Variants in YWHAE observed in about 807,000 individuals in gnomAD.
YWHAE encodes the protein 14-3-3 protein epsilon.
YWHAE carries 4 observed loss-of-function variants against 30.1 expected under a neutral mutation model. The observed-to-expected ratio is 0.13, with a 90% confidence interval of 0.07 to 0.30. The LOEUF (loss-of-function observed/expected upper bound fraction) is 0.30. Ranked by LOEUF, YWHAE falls within the 10% of genes least tolerant of loss-of-function variation. The pLI, the probability that YWHAE is intolerant of heterozygous loss-of-function variation, is 1.00. For synonymous variants in YWHAE, 118 were observed against 111.8 expected, an observed-to-expected ratio of 1.06 and a Z score of -0.35; for missense variants, 121 against 315.9, an observed-to-expected ratio of 0.38 and a Z score of 4.68.
At chr17:1,389,821 T>C (rs1488994855) in intron 1 of YWHAE, among the ~76,000 whole-genome samples, 1 of 150,928 alleles carries the variant, frequency 6.6e-6, no homozygotes, top group African/African-American at 2.4e-5. Flanking sequence ...TGAGCCACCG[T>C]ACCTGGCCAA....
At position 1,365,529 on chromosome 17, in the gene YWHAE, G is replaced by C. The variant is rs1209887562; in HGVS notation, c.65-471C>G. On this transcript the variant is annotated intron_variant, in intron 1 of 5. Transcript: ENST00000264335. ...CGGAGTATATGGTTGGCCACCAACA[G>C]ACTTTGGATGTTTTCTATCCTTCCT... Among the ~76,000 whole-genome samples the C allele has an allele frequency of 3.3e-5, 5 of 152,310 alleles. No homozygotes were observed. In the East Asian group the frequency reaches 7.7e-4, roughly 23 times the overall value.
At chr17:1,347,053 C>T (rs997283402) in intron 5 of YWHAE, among the ~76,000 whole-genome samples, 3 of 149,196 alleles carry the variant, frequency 2.0e-5, no homozygotes, top group African/African-American at 7.5e-5. Context: ...TGGAGCCAGG[C>T]ATGGTGGCTC....
intron 4 of YWHAE, among the ~76,000 whole-genome samples, chr17:1,354,699 G>A (rs183376688): frequency 1.3e-5 from 2 of 152,248 alleles, no homozygotes; most frequent in East Asian, 1.9e-4. Flanking sequence ...GTCTGGCTCT[G>A]TCGCCCAGGC....
intron 1 of YWHAE, among the ~76,000 whole-genome samples, chr17:1,388,052 A>C (rs2073327334): frequency 1.5e-5 from 2 of 132,108 alleles, no homozygotes; most frequent in South Asian, 5.0e-4. Context: ...TAACCTCCTG[A>C]GTAGCTGGGA....
intron 1 of YWHAE, among the ~76,000 whole-genome samples, chr17:1,371,234 C>T (rs1333913270): frequency 6.6e-6 from 1 of 152,098 alleles, no homozygotes; most frequent in Admixed American, 6.6e-5. Flanking sequence ...AGGTGTACGC[C>T]ATTACGCCCA....
At chr17:1,345,741 G>A (rs893865826) in intron 5 of YWHAE, among the ~76,000 whole-genome samples, 5 of 152,116 alleles carry the variant, frequency 3.3e-5, no homozygotes, top group African/African-American at 1.2e-4. Flanking sequence ...ACAACTCAAT[G>A]TTTTTACGCT....
At chr17:1,370,309 T>C (rs1598250107) in intron 1 of YWHAE, among the ~76,000 whole-genome samples, 1 of 151,510 alleles carries the variant, frequency 6.6e-6, no homozygotes, top group East Asian at 1.9e-4. Flanking sequence ...TTGTGTGTAT[T>C]TTTAGTAGAG....
intron 1 of YWHAE, chr17:1,369,731 G>A (rs2073001269): frequency 6.6e-6 from 1 of 152,126 alleles, no homozygotes; most frequent in Non-Finnish European, 1.5e-5. Flanking sequence ...TGCGGGTTCA[G>A]TTCCAGAGCA....
At chr17:1,384,724 G>A (rs771246884) in intron 1 of YWHAE, among the ~76,000 whole-genome samples, 5 of 151,902 alleles carry the variant, frequency 3.3e-5, no homozygotes, top group Non-Finnish European at 7.4e-5. Context: ...ACTGCGCCCA[G>A]CCCAGAGTTT....
At chr17:1,359,411 G>T (rs1457214031) in intron 4 of YWHAE, among the ~76,000 whole-genome samples, 2 of 152,138 alleles carry the variant, frequency 1.3e-5, no homozygotes, top group Non-Finnish European at 2.9e-5. Flanking sequence ...TTTCATAGCA[G>T]CATTGTACTC....
intron 1 of YWHAE, among the ~76,000 whole-genome samples, chr17:1,388,131 T>G (rs1431851153): frequency 2.5e-4 from 27 of 108,640 alleles, no homozygotes; most frequent in Non-Finnish European, 3.9e-4. Context: ...TTTTTTTTTT[T>G]TTTTTTTTTT....
intron 1 of YWHAE, among the ~76,000 whole-genome samples, chr17:1,365,801 T>C (rs2072932867): frequency 1.3e-5 from 2 of 152,214 alleles, no homozygotes; most frequent in Non-Finnish European, 2.9e-5. Context: ...TTTCAATCTT[T>C]GGTGATGAGA....
At chr17:1,397,698 A>C (rs760114231) in intron 1 of YWHAE, among the ~76,000 whole-genome samples, 22 of 152,116 alleles carry the variant, frequency 1.4e-4, no homozygotes, top group Non-Finnish European at 2.5e-4. Flanking sequence ...GAACTCCGGG[A>C]AAACTTTGCC....
intron 4 of YWHAE, among the ~76,000 whole-genome samples, chr17:1,360,592 G>A (rs1010205905): frequency 6.6e-6 from 1 of 151,666 alleles, no homozygotes; most frequent in African/African-American, 2.4e-5. Flanking sequence ...TGAAAACACC[G>A]TCTCTACTAA....
chr17:1,356,995 C>A (rs867183810), intron 4 of YWHAE, among the ~76,000 whole-genome samples: 1 of 151,838 alleles, frequency 6.6e-6, no homozygotes, highest in African/African-American at 2.4e-5. Flanking sequence ...AGGGGCCGGG[C>A]GCGGTGGCTC....
intron 3 of YWHAE, chr17:1,361,540 TA>T: frequency 2.2e-6 from 1 of 449,090 alleles, no homozygotes; most frequent in Non-Finnish European, 3.9e-6. Flanking sequence ...GAGGAGCCTC[TA>T]AAAATTAATA....
chr17:1,370,080 G>C (rs1567969554), intron 1 of YWHAE, among the ~76,000 whole-genome samples: 1 of 147,744 alleles, frequency 6.8e-6, no homozygotes, highest in Non-Finnish European at 1.5e-5. Context: ...TTTCTCTGTA[G>C]CATCTGACGC....
At chr17:1,365,092 A>G in intron 1 of YWHAE, 34 bp from the exon 2 acceptor site, 1 of 1,595,694 alleles carries the variant, frequency 6.3e-7, no homozygotes, top group Admixed American at 1.8e-5. Flanking sequence ...GACCTTACAA[A>G]TTTGAAGTTT....
intron 1 of YWHAE, among the ~76,000 whole-genome samples, chr17:1,397,944 C>T (rs1213434170): frequency 6.6e-6 from 1 of 152,128 alleles, no homozygotes; most frequent in Non-Finnish European, 1.5e-5. Flanking sequence ...ATCAGAGTCC[C>T]ATGTTCAATA....
Sources: allele counts gnomAD v4.1 joint callset (sites outside exome capture counted in the v4.1 genomes callset), GRCh38; gene constraint gnomAD v4.1.1; transcripts MANE v1.5; gene names NCBI Gene and HGNC (gene_info 2026-07-23, HGNC 2026-07-21).